Variants in BTBD10 observed in about 807,000 individuals in gnomAD.
BTBD10 encodes the protein BTB domain containing 10.
Under a neutral mutation model 53.2 loss-of-function variants are expected in BTBD10, and 21 were observed. That is an observed-to-expected ratio of 0.39 (90% CI 0.28 to 0.57). The LOEUF is 0.57. BTBD10 is among the 20% of genes least tolerant of loss of function. The pLI, the probability that BTBD10 is intolerant of heterozygous loss-of-function variation, is 0.53. For missense variants in BTBD10, 360 were observed against 594.7 expected, an observed-to-expected ratio of 0.61 and a Z score of 4.10; for synonymous variants, 149 against 192.7, an observed-to-expected ratio of 0.77 and a Z score of 1.88.
intron 1 of BTBD10, among the ~76,000 whole-genome samples, chr11:13,450,636 C>G (rs1950839852): frequency 6.6e-6 from 1 of 152,148 alleles, no homozygotes; most frequent in Admixed American, 6.5e-5. Flanking sequence ...GAGAACTGAA[C>G]AGTCATTTTT....
chr11:13,459,440 A>G (rs1160594965), intron 1 of BTBD10, among the ~76,000 whole-genome samples: 1 of 152,180 alleles, frequency 6.6e-6, no homozygotes, highest in African/African-American at 2.4e-5. Flanking sequence ...ACTAGGGGAA[A>G]TGCAACATTG....
chr11:13,408,544 C>T (rs1362843212), intron 6 of BTBD10, among the ~76,000 whole-genome samples: 1 of 152,148 alleles, frequency 6.6e-6, no homozygotes, highest in Non-Finnish European at 1.5e-5. Context: ...ATACCCAATG[C>T]TCCACTTAAC....
chr11:13,422,346 T>G (rs1360402482), intron 2 of BTBD10, among the ~76,000 whole-genome samples: 2 of 152,122 alleles, frequency 1.3e-5, no homozygotes, highest in Non-Finnish European at 2.9e-5. Context: ...TTTTTAAAGT[T>G]TTTCTGAAAA....
At chr11:13,393,166 G>T (rs1591083869) in intron 8 of BTBD10, among the ~76,000 whole-genome samples, 1 of 152,174 alleles carries the variant, frequency 6.6e-6, no homozygotes, top group South Asian at 2.1e-4. Flanking sequence ...AACCCAAAAA[G>T]CCTGCTTAAA....
At chr11:13,389,239 C>CA in intron 8 of BTBD10, 98 bp from the exon 9 acceptor site, 1 of 983,536 alleles carries the variant, frequency 1.0e-6, no homozygotes, top group Admixed American at 2.6e-5. Flanking sequence ...CCTAAAGAAA[C>CA]AAATTTAAAA....
chr11:13,398,460 G>A (rs1012762297), intron 8 of BTBD10, among the ~76,000 whole-genome samples: 1 of 152,150 alleles, frequency 6.6e-6, no homozygotes, highest in African/African-American at 2.4e-5. Context: ...TGGGTCTCCT[G>A]AATACAGCAC....
intron 3 of BTBD10, among the ~76,000 whole-genome samples, chr11:13,420,394 T>G (rs1164489571): frequency 6.6e-6 from 1 of 152,160 alleles, no homozygotes; most frequent in African/African-American, 2.4e-5. Flanking sequence ...CTTCTCATGT[T>G]TGTTGAATAA....
chr11:13,429,906 C>T (rs1443303690), intron 2 of BTBD10, among the ~76,000 whole-genome samples: 1 of 151,922 alleles, frequency 6.6e-6, no homozygotes, highest in Non-Finnish European at 1.5e-5. Flanking sequence ...GAGTTCAAGA[C>T]CAGCCTGGGC....
At chr11:13,430,902 G>A (rs912558100) in intron 2 of BTBD10, among the ~76,000 whole-genome samples, 2 of 151,526 alleles carry the variant, frequency 1.3e-5, no homozygotes, top group Non-Finnish European at 2.9e-5. Flanking sequence ...GTTACAAAGG[G>A]CACCAAAGAA....
chr11:13,424,819 A>T (rs1950307029), intron 2 of BTBD10, among the ~76,000 whole-genome samples: 1 of 152,218 alleles, frequency 6.6e-6, no homozygotes, highest in Admixed American at 6.5e-5. Context: ...CAATCATTGA[A>T]AAATGGAAAG....
At chr11:13,391,937 T>C (rs1355215037) in intron 8 of BTBD10, among the ~76,000 whole-genome samples, 2 of 152,182 alleles carry the variant, frequency 1.3e-5, no homozygotes, top group East Asian at 3.9e-4. Flanking sequence ...AGCGAGACCC[T>C]GTCAGATAGA....
At chr11:13,395,170 G>C (rs1400089418) in intron 8 of BTBD10, among the ~76,000 whole-genome samples, 2 of 149,428 alleles carry the variant, frequency 1.3e-5, no homozygotes, top group Non-Finnish European at 3.0e-5. Flanking sequence ...CAGTGTAAAA[G>C]TGTTCCTATT....
At chr11:13,415,107 C>CTTTTT (rs756343405) in intron 5 of BTBD10, among the ~76,000 whole-genome samples, 8 of 127,074 alleles carry the variant, frequency 6.3e-5, no homozygotes, top group Non-Finnish European at 8.4e-5. Context: ...TCAATCAAAC[C>CTTTTT]TTTTTTTTTT....
rs184700283 is a variant in BTBD10 at position 13,404,811 on chromosome 11, C to T, written c.1006+848G>A. On this transcript the variant is annotated intron_variant, in intron 7 of 8. Coordinates refer to ENST00000278174, the MANE Select transcript of BTBD10 (RefSeq NM_032320.7). ...AAAATAATCTTTCAAAAATCTCCTT[C>T]GGAAGTTAAAAAGAATGCCATCTGG... 1.2e-4 allele frequency among the ~76,000 whole-genome samples: 19 copies of T among 152,152 alleles called. No individual in the cohort carries two copies. The East Asian group carries it at 3.3e-3, about 26-fold the overall frequency.
chr11:13,441,387 C>T (rs1369338231), intron 2 of BTBD10, among the ~76,000 whole-genome samples: 1 of 151,988 alleles, frequency 6.6e-6, no homozygotes, highest in Non-Finnish European at 1.5e-5. Flanking sequence ...ACACATATCA[C>T]TAGGTACCCC....
chr11:13,460,523 T>C (rs1476172515), intron 1 of BTBD10, among the ~76,000 whole-genome samples: 1 of 152,218 alleles, frequency 6.6e-6, no homozygotes, highest in Non-Finnish European at 1.5e-5. Flanking sequence ...CAAAGGTCAA[T>C]TCCACACGTC....
chr11:13,439,930 A>G, intron 2 of BTBD10: 12 of 1,534,700 alleles, frequency 7.8e-6, no homozygotes, highest in Non-Finnish European at 9.6e-6. Flanking sequence ...CAAGAAAAAA[A>G]TTTTGAAATC....
chr11:13,447,781 A>C (rs187376472), intron 1 of BTBD10, among the ~76,000 whole-genome samples: 6 of 152,326 alleles, frequency 3.9e-5, no homozygotes, highest in Admixed American at 2.0e-4. Context: ...ACCACATGAA[A>C]GATTTTTCCC....
chr11:13,453,277 C>T (rs1032080751), intron 1 of BTBD10, among the ~76,000 whole-genome samples: 8 of 151,296 alleles, frequency 5.3e-5, no homozygotes, highest in African/African-American at 1.9e-4. Flanking sequence ...AAAACAAAAA[C>T]AAAAAAACAG....
Sources: gnomAD v4.1 joint callset for allele counts (sites outside exome capture counted in the v4.1 genomes callset) on GRCh38, gnomAD v4.1.1 for gene constraint, MANE v1.5 for transcripts, NCBI Gene and HGNC (gene_info 2026-07-23, HGNC 2026-07-21) for gene names.